Variants in ROBO2 observed in about 807,000 individuals in gnomAD.
ROBO2 encodes the protein roundabout guidance receptor 2, also known as roundabout homolog 2.
Under a neutral mutation model 160.8 loss-of-function variants are expected in ROBO2, and 53 were observed. The observed-to-expected ratio is 0.33, with a 90% CI of 0.26 to 0.41. The LOEUF is 0.41. ROBO2 is among the 10% of genes least tolerant of loss of function. ROBO2 has a pLI of 1.00. For synonymous variants in ROBO2, 664 were observed against 611.7 expected, an observed-to-expected ratio of 1.09 and a Z score of -1.26; for missense variants, 1,577 against 1,722.4, an observed-to-expected ratio of 0.92 and a Z score of 1.49.
At chr3:76,620,936 G>T (rs1262968088) in intron 2 of ROBO2, among the ~76,000 whole-genome samples, 3 of 152,138 alleles carry the variant, frequency 2.0e-5, no homozygotes, top group Non-Finnish European at 4.4e-5. Context: ...GATGTATAAA[G>T]AAATATCCAA....
At chr3:77,504,121 A>G (rs372684155) in intron 5 of ROBO2, among the ~76,000 whole-genome samples, 29 of 152,326 alleles carry the variant, frequency 1.9e-4, no homozygotes, top group African/African-American at 6.5e-4. Flanking sequence ...CCGAGAAATT[A>G]GAAGTCCCTC....
chr3:76,356,891 T>G (rs1463218724), intron 2 of ROBO2, among the ~76,000 whole-genome samples: 2 of 151,892 alleles, frequency 1.3e-5, no homozygotes, highest in Non-Finnish European at 2.9e-5. Context: ...TTCAAGAAAT[T>G]GAAACATACA....
chr3:76,269,362 T>C (rs1707289549), intron 2 of ROBO2, among the ~76,000 whole-genome samples: 1 of 152,078 alleles, frequency 6.6e-6, no homozygotes, highest in Non-Finnish European at 1.5e-5. Context: ...TTGACCTCTC[T>C]CTTCTTGAAG....
chr3:76,714,260 G>A (rs2093345606), intron 2 of ROBO2, among the ~76,000 whole-genome samples: 1 of 152,106 alleles, frequency 6.6e-6, no homozygotes, highest in Non-Finnish European at 1.5e-5. Flanking sequence ...AAGTGGTGTT[G>A]CTGGTGTTCA....
intron 2 of ROBO2, among the ~76,000 whole-genome samples, chr3:76,153,787 T>C (rs2072298972): frequency 6.6e-6 from 1 of 152,156 alleles, no homozygotes; most frequent in African/African-American, 2.4e-5. Context: ...CAGAGAGATC[T>C]TGGGATTTAA....
chr3:75,969,293 C>T (rs960544135), intron 2 of ROBO2, among the ~76,000 whole-genome samples: 7 of 151,106 alleles, frequency 4.6e-5, no homozygotes, highest in African/African-American at 9.7e-5. Context: ...ATATATCTTT[C>T]GTATACTGAT....
chr3:76,093,532 T>G (rs1433345964), intron 2 of ROBO2, among the ~76,000 whole-genome samples: 1 of 148,592 alleles, frequency 6.7e-6, no homozygotes, highest in African/African-American at 2.4e-5. Flanking sequence ...GCACAATATA[T>G]TCTCATATAT....
chr3:77,602,615 T>C (rs913861920), intron 20 of ROBO2, 124 bp downstream of exon 21: 1 of 1,155,884 alleles, frequency 8.7e-7, no homozygotes, highest in Non-Finnish European at 1.3e-6. Flanking sequence ...TAAAAAAAGA[T>C]ACCAGCATGT....
chr3:77,132,639 A>G (rs1469236528), intron 2 of ROBO2, among the ~76,000 whole-genome samples: 2 of 152,110 alleles, frequency 1.3e-5, no homozygotes, highest in Non-Finnish European at 2.9e-5. Flanking sequence ...AACTATTGCA[A>G]ATAGATGAGT....
intron 2 of ROBO2, among the ~76,000 whole-genome samples, chr3:76,006,278 A>T (rs940234688): frequency 1.3e-5 from 2 of 152,168 alleles, no homozygotes; most frequent in African/African-American, 4.8e-5. Flanking sequence ...GTGATAGCAG[A>T]AAGGGTGAGT....
At chr3:77,423,843 C>T (rs1285294548) in intron 2 of ROBO2, among the ~76,000 whole-genome samples, 4 of 152,116 alleles carry the variant, frequency 2.6e-5, no homozygotes, top group African/African-American at 7.2e-5. Flanking sequence ...TTACTGTGTC[C>T]TTCAGGCTAG....
At chr3:76,077,759 A>G (rs114777002) in intron 2 of ROBO2, among the ~76,000 whole-genome samples, 215 of 152,314 alleles carry the variant, frequency 1.4e-3, no homozygotes, top group African/African-American at 4.9e-3. Flanking sequence ...AAAATGGATA[A>G]ACATTAAAAT....
chr3:77,496,971 A>G (rs997922947), intron 5 of ROBO2, among the ~76,000 whole-genome samples: 1 of 152,102 alleles, frequency 6.6e-6, no homozygotes, highest in Non-Finnish European at 1.5e-5. Flanking sequence ...ACAGACTCTT[A>G]GTGAGTTGTA....
intron 2 of ROBO2, among the ~76,000 whole-genome samples, chr3:76,569,498 T>A (rs564313618): frequency 9.9e-4 from 151 of 152,294 alleles, no homozygotes; most frequent in African/African-American, 3.4e-3. Context: ...TCAGAGACTT[T>A]AGGATTGTGA....
chr3:76,831,387 G>A (rs555919359), intron 2 of ROBO2, among the ~76,000 whole-genome samples: 3 of 152,214 alleles, frequency 2.0e-5, no homozygotes, highest in African/African-American at 7.2e-5. Flanking sequence ...CTCAAAGGCA[G>A]CCTTAGCACA....
chr3:76,688,480 G>A (rs991036268), intron 2 of ROBO2, among the ~76,000 whole-genome samples: 2 of 151,716 alleles, frequency 1.3e-5, no homozygotes, highest in East Asian at 1.9e-4. Context: ...TTTCCTCACC[G>A]AGAAAATTTA....
At position 76,676,369 on chromosome 3, in the gene ROBO2, G is replaced by T. The variant is rs569654633; in HGVS notation, c.110-421645G>T. Reference sequence around the variant, plus strand: ...CCTTGCTTCACCTTCTGCTATGATAGTAAGTTTTCTGAGGCCTCCCTAGCC... The same window carrying T: ...CCTTGCTTCACCTTCTGCTATGATATTAAGTTTTCTGAGGCCTCCCTAGCC... On this transcript the variant is annotated intron_variant, in intron 2 of 26. Coordinates refer to the ROBO2 transcript ENST00000487694. 5.3e-5 allele frequency among the ~76,000 whole-genome samples: 8 copies of T among 151,770 alleles called. No individual in the cohort carries two copies. The South Asian group carries it at 1.7e-3, about 32-fold the overall frequency.
chr3:76,060,594 A>T (rs543941866), intron 2 of ROBO2, among the ~76,000 whole-genome samples: 1 of 152,210 alleles, frequency 6.6e-6, no homozygotes, highest in Admixed American at 6.5e-5. Flanking sequence ...ACTGTCACTG[A>T]GGATTTCCAT....
At chr3:76,177,292 T>C (rs1476313776) in intron 2 of ROBO2, among the ~76,000 whole-genome samples, 3 of 152,178 alleles carry the variant, frequency 2.0e-5, no homozygotes. Flanking sequence ...GATTGTGTAG[T>C]TTATTCATCT....
Sources: allele counts gnomAD v4.1 joint callset (sites outside exome capture counted in the v4.1 genomes callset), GRCh38; gene constraint gnomAD v4.1.1; transcripts MANE v1.5; gene names NCBI Gene and HGNC (gene_info 2026-07-23, HGNC 2026-07-21).